The following ACOXL variants were observed in gnomAD, a reference collection of about 807,000 sequenced individuals.
ACOXL encodes the protein acyl-CoA oxidase like, also known as acyl-coenzyme A oxidase-like protein.
In ACOXL, 70 loss-of-function variants were observed where a neutral mutation model predicts 71.9. The observed-to-expected ratio is 0.97, with a 90% CI of 0.80 to 1.19. ACOXL has a LOEUF of 1.19. Among genes scored for constraint, ACOXL ranks in the 50% most tolerant of loss-of-function variants. The probability of loss-of-function intolerance (pLI) is 0.00; values close to 1 mark genes in which losing one functional copy is unlikely to be tolerated. For synonymous variants in ACOXL, 253 were observed against 281.6 expected, an observed-to-expected ratio of 0.90 and a Z score of 1.02; for missense variants, 703 against 736.3, an observed-to-expected ratio of 0.95 and a Z score of 0.52.
intron 12 of ACOXL, among the ~76,000 whole-genome samples, chr2:110,980,367 G>A (rs1460484417): frequency 2.6e-5 from 4 of 152,240 alleles, no homozygotes; most frequent in African/African-American, 7.2e-5. Context: ...CAAGTTCCAG[G>A]TAGGAGAGCG....
chr2:110,752,087 C>T (rs764360938), intron 1 of ACOXL, among the ~76,000 whole-genome samples: 4 of 151,132 alleles, frequency 2.6e-5, no homozygotes, highest in Middle Eastern at 3.4e-3. Flanking sequence ...TGCAATGGCA[C>T]GATCTTGGCT....
At chr2:110,885,786 T>C (rs1361850904) in intron 10 of ACOXL, among the ~76,000 whole-genome samples, 1 of 152,230 alleles carries the variant, frequency 6.6e-6, no homozygotes, top group African/African-American at 2.4e-5. Context: ...TTGGGTTGTC[T>C]GTCACAATAT....
At chr2:110,879,048 C>G (rs896734444) in intron 10 of ACOXL, among the ~76,000 whole-genome samples, 12 of 138,458 alleles carry the variant, frequency 8.7e-5, no homozygotes, top group Non-Finnish European at 1.4e-4. Flanking sequence ...CAGGGCGAGG[C>G]TCCGTTAAAA....
chr2:110,743,120 T>A (rs546182261), intron 1 of ACOXL, among the ~76,000 whole-genome samples: 1 of 152,236 alleles, frequency 6.6e-6, no homozygotes, highest in Non-Finnish European at 1.5e-5. Flanking sequence ...CATGGAGTTG[T>A]GTATTCTGGA....
intron 1 of ACOXL, among the ~76,000 whole-genome samples, chr2:110,765,913 A>G (rs1008024730): frequency 6.6e-6 from 1 of 152,164 alleles, no homozygotes; most frequent in Admixed American, 6.5e-5. Context: ...TATTTCATCT[A>G]TGCTGTATTC....
intron 12 of ACOXL, chr2:110,968,226 T>C: frequency 1.9e-6 from 2 of 1,072,946 alleles, no homozygotes; most frequent in East Asian, 2.4e-5. Context: ...ATGAATACAA[T>C]GTGGAAAACA....
intron 12 of ACOXL, among the ~76,000 whole-genome samples, chr2:110,948,187 G>A (rs1396239681): frequency 6.6e-6 from 1 of 152,210 alleles, no homozygotes; most frequent in Non-Finnish European, 1.5e-5. Flanking sequence ...CTAGCACAAT[G>A]ATAAGGTTAT....
At chr2:110,768,583 G>A (rs1407681790) in intron 2 of ACOXL, 119 bp downstream of exon 2, 1 of 900,670 alleles carries the variant, frequency 1.1e-6, no homozygotes, top group Non-Finnish European at 1.7e-6. Flanking sequence ...GGGTATATGT[G>A]CAGGTTTGTT....
intron 17 of ACOXL, among the ~76,000 whole-genome samples, chr2:111,116,016 T>C (rs2070329269): frequency 6.6e-6 from 1 of 152,218 alleles, no homozygotes; most frequent in South Asian, 2.1e-4. Context: ...ATTCAAATCA[T>C]TGTATTTCCC....
chr2:110,744,268 G>C (rs1165195535), intron 1 of ACOXL, among the ~76,000 whole-genome samples: 1 of 152,236 alleles, frequency 6.6e-6, no homozygotes, highest in Non-Finnish European at 1.5e-5. Context: ...CTGGGCCCAA[G>C]GAACATAGTT....
intron 11 of ACOXL, among the ~76,000 whole-genome samples, chr2:110,915,508 C>T (rs2059824023): frequency 6.7e-6 from 1 of 149,604 alleles, no homozygotes; most frequent in Non-Finnish European, 1.5e-5. Flanking sequence ...ACTGCAACCT[C>T]TGCCTCCCAG....
At chr2:110,909,162 C>T (rs1212595024) in intron 11 of ACOXL, among the ~76,000 whole-genome samples, 2 of 152,214 alleles carry the variant, frequency 1.3e-5, no homozygotes, top group Non-Finnish European at 2.9e-5. Flanking sequence ...ATGGAAGCCA[C>T]AGAGACTTTG....
At chr2:110,998,388 C>A (rs1341098655) in intron 14 of ACOXL, among the ~76,000 whole-genome samples, 1 of 152,176 alleles carries the variant, frequency 6.6e-6, no homozygotes. Flanking sequence ...GTAATCAGAG[C>A]AAAGCAAAGA....
chr2:110,869,576 A>G (rs1695019004), intron 10 of ACOXL, among the ~76,000 whole-genome samples: 1 of 152,214 alleles, frequency 6.6e-6, no homozygotes, highest in Non-Finnish European at 1.5e-5. Context: ...CTCTTCCAGC[A>G]AGGCCAGGCC....
intron 1 of ACOXL, among the ~76,000 whole-genome samples, chr2:110,751,988 A>G (rs910175645): frequency 6.6e-6 from 1 of 152,072 alleles, no homozygotes; most frequent in African/African-American, 2.4e-5. Flanking sequence ...TACATAGTAG[A>G]TAATCCCATT....
intron 2 of ACOXL, among the ~76,000 whole-genome samples, chr2:110,778,604 C>G (rs1443773999): frequency 1.3e-5 from 2 of 152,176 alleles, no homozygotes; most frequent in Non-Finnish European, 2.9e-5. Flanking sequence ...TTTTTGAATT[C>G]TTTGCATCTC....
At chr2:111,074,112 C>A (rs1285214524) in intron 16 of ACOXL, among the ~76,000 whole-genome samples, 1 of 147,880 alleles carries the variant, frequency 6.8e-6, no homozygotes, top group Non-Finnish European at 1.5e-5. Context: ...CTGCTAAGCT[C>A]GTTATTAGTT....
At chr2:111,101,396 A>C (rs1192467031) in intron 17 of ACOXL, 1 of 152,132 alleles carries the variant, frequency 6.6e-6, no homozygotes, top group Non-Finnish European at 1.5e-5. Context: ...ACTTCCTACA[A>C]ATGCGGTGTT....
intron 10 of ACOXL, among the ~76,000 whole-genome samples, chr2:110,893,201 T>A (rs1315425027): frequency 6.6e-6 from 1 of 152,108 alleles, no homozygotes; most frequent in Non-Finnish European, 1.5e-5. Context: ...AGTAGAGACA[T>A]CCAAACAAAT....
Sources: gnomAD v4.1 joint callset for allele counts (sites outside exome capture counted in the v4.1 genomes callset) on GRCh38, gnomAD v4.1.1 for gene constraint, MANE v1.5 for transcripts, NCBI Gene and HGNC (gene_info 2026-07-23, HGNC 2026-07-21) for gene names.